SLC24A3: variants seen among roughly 807,000 people sequenced by gnomAD.
SLC24A3 encodes the protein sodium/potassium/calcium exchanger 3.
SLC24A3 carries 28 observed loss-of-function variants against 75.8 expected under a neutral mutation model. The ratio of observed to expected loss-of-function variants is 0.37; its 90% CI spans 0.27 to 0.51. The LOEUF (loss-of-function observed/expected upper bound fraction) is 0.51, where lower values mean the gene tolerates loss of function less well. Ranked by LOEUF, SLC24A3 falls within the 20% of genes least tolerant of loss-of-function variation. SLC24A3 has a pLI of 0.94. For missense variants in SLC24A3, 663 were observed against 847.8 expected, an observed-to-expected ratio of 0.78 and a Z score of 2.71; for synonymous variants, 372 against 334.1, an observed-to-expected ratio of 1.11 and a Z score of -1.24.
chr20:19,636,348 A>G (rs4814878), intron 6 of SLC24A3, among the ~76,000 whole-genome samples: 98,006 of 152,010 alleles, frequency 0.64, 32,533 homozygotes, highest in African/African-American at 0.77. Context: ...CATCCATCGA[A>G]TAAATGGATC....
intron 6 of SLC24A3, among the ~76,000 whole-genome samples, chr20:19,601,007 A>G (rs2031520476): frequency 6.6e-6 from 1 of 152,106 alleles, no homozygotes; most frequent in African/African-American, 2.4e-5. Context: ...GCCCACATTC[A>G]AATCTTGGCC....
chr20:19,476,419 A>G (rs1055925877), intron 2 of SLC24A3, among the ~76,000 whole-genome samples: 3 of 152,194 alleles, frequency 2.0e-5, no homozygotes, highest in African/African-American at 7.2e-5. Context: ...GGAAGGTAAC[A>G]TAGGAGAAAA....
At chr20:19,451,199 T>C (rs1987474262) in intron 2 of SLC24A3, among the ~76,000 whole-genome samples, 1 of 152,208 alleles carries the variant, frequency 6.6e-6, no homozygotes, top group Non-Finnish European at 1.5e-5. Flanking sequence ...AAAACACATA[T>C]TTTAAAATAT....
At chr20:19,378,372 A>G (rs1225707506) in intron 2 of SLC24A3, among the ~76,000 whole-genome samples, 1 of 152,226 alleles carries the variant, frequency 6.6e-6, no homozygotes, top group Non-Finnish European at 1.5e-5. Context: ...GGACAAAGCT[A>G]GACTCCTGTT....
chr20:19,236,234 A>G (rs1468869662), intron 1 of SLC24A3, among the ~76,000 whole-genome samples: 1 of 152,200 alleles, frequency 6.6e-6, no homozygotes, highest in Non-Finnish European at 1.5e-5. Context: ...ATGTACAGTC[A>G]AAAGACTCTC....
At chr20:19,386,319 G>T (rs1016117384) in intron 2 of SLC24A3, among the ~76,000 whole-genome samples, 1 of 152,114 alleles carries the variant, frequency 6.6e-6, no homozygotes, top group Non-Finnish European at 1.5e-5. Flanking sequence ...GGGTTTTTTG[G>T]TGTAGTGTTT....
intron 2 of SLC24A3, among the ~76,000 whole-genome samples, chr20:19,484,266 A>G (rs1483842960): frequency 1.3e-5 from 2 of 152,178 alleles, no homozygotes; most frequent in Non-Finnish European, 2.9e-5. Flanking sequence ...TTTATGTTTT[A>G]TATGCACCTT....
intron 2 of SLC24A3, among the ~76,000 whole-genome samples, chr20:19,326,802 C>G (rs1174500825): frequency 6.6e-6 from 1 of 152,148 alleles, no homozygotes; most frequent in South Asian, 2.1e-4. Context: ...AGGCTTCCCT[C>G]AAGCTCCTGG....
intron 2 of SLC24A3, 141 bp from the exon 3 acceptor site, chr20:19,515,347 G>T: frequency 1.3e-6 from 1 of 778,392 alleles, no homozygotes; most frequent in Non-Finnish European, 2.1e-6. Context: ...CTAAATTCTG[G>T]TTAGTTTTGT....
intron 3 of SLC24A3, among the ~76,000 whole-genome samples, chr20:19,569,332 C>T (rs2031012630): frequency 6.6e-6 from 1 of 152,170 alleles, no homozygotes; most frequent in South Asian, 2.1e-4. Context: ...AGTACATCGG[C>T]AGTGAGGGCA....
intron 6 of SLC24A3, among the ~76,000 whole-genome samples, chr20:19,612,000 A>T (rs1163734750): frequency 6.6e-6 from 1 of 152,080 alleles, no homozygotes; most frequent in Non-Finnish European, 1.5e-5. Context: ...CTGAGGTGTT[A>T]TGTCTTCTGA....
At chr20:19,467,040 G>A (rs1428851002) in intron 2 of SLC24A3, among the ~76,000 whole-genome samples, 1 of 152,178 alleles carries the variant, frequency 6.6e-6, no homozygotes, top group Non-Finnish European at 1.5e-5. Flanking sequence ...TAATTGCTAT[G>A]AAAAGAATAA....
At chr20:19,684,431 C>G in intron 11 of SLC24A3, 95 bp downstream of exon 11, 1 of 1,413,534 alleles carries the variant, frequency 7.1e-7, no homozygotes, top group Non-Finnish European at 9.6e-7. Flanking sequence ...AAGCACCTAA[C>G]TCAAAGTTTA....
rs529536037 is a variant in SLC24A3 at position 19,631,258 on chromosome 20, CTGAGGTTAAGCCT to C, written c.613-22801_613-22789del. On this transcript the variant is annotated intron_variant, in intron 6 of 16. Transcript: ENST00000328041. ...CATGTAGACCCAGCTACTTGGGAGA[CTGAGGTTAAGCCT>C]TGGAGATGGAGGTTGCAGTAAGCTG... is the stretch of plus-strand genomic sequence containing the variant. Among the ~76,000 whole-genome samples the C allele has an allele frequency of 2.6e-5, 4 of 152,228 alleles. No homozygotes were observed. In the South Asian group the frequency reaches 8.3e-4, roughly 32 times the overall value.
intron 7 of SLC24A3, among the ~76,000 whole-genome samples, chr20:19,662,010 A>G (rs2032332233): frequency 6.6e-6 from 1 of 152,182 alleles, no homozygotes; most frequent in Non-Finnish European, 1.5e-5. Flanking sequence ...GGAGGAAATG[A>G]GTGCTTTTTT....
At chr20:19,608,855 A>T (rs996168386) in intron 6 of SLC24A3, among the ~76,000 whole-genome samples, 1 of 152,162 alleles carries the variant, frequency 6.6e-6, no homozygotes, top group Non-Finnish European at 1.5e-5. Context: ...TAACAATAGC[A>T]TCTCTCCCCA....
intron 3 of SLC24A3, among the ~76,000 whole-genome samples, chr20:19,559,780 A>G (rs1331478947): frequency 6.6e-6 from 1 of 152,088 alleles, no homozygotes; most frequent in Non-Finnish European, 1.5e-5. Context: ...TTTATCATAA[A>G]TATTCATACG....
At chr20:19,242,234 G>A (rs182830481) in intron 1 of SLC24A3, 1 of 152,308 alleles carries the variant, frequency 6.6e-6, no homozygotes, top group East Asian at 1.9e-4. Flanking sequence ...TCAGAGGGAG[G>A]GGCCTTGGCT....
At chr20:19,255,374 C>T (rs1982784527) in intron 1 of SLC24A3, among the ~76,000 whole-genome samples, 1 of 152,258 alleles carries the variant, frequency 6.6e-6, no homozygotes, top group Admixed American at 6.5e-5. Context: ...CCTTGTCCCA[C>T]TGGGCCTGTG....
Sources: allele counts gnomAD v4.1 joint callset (sites outside exome capture counted in the v4.1 genomes callset), GRCh38; gene constraint gnomAD v4.1.1; transcripts MANE v1.5; gene names NCBI Gene and HGNC (gene_info 2026-07-23, HGNC 2026-07-21).